SLFN14: variants seen among roughly 807,000 people sequenced by gnomAD.
SLFN14 encodes protein SLFN14.
A neutral mutation model predicts 58.6 loss-of-function variants in SLFN14; 47 were observed. That is an observed-to-expected ratio of 0.80 (90% confidence interval 0.64 to 1.02). The LOEUF (loss-of-function observed/expected upper bound fraction) is 1.02, where lower values mean the gene tolerates loss of function less well. Among genes scored for constraint, SLFN14 ranks in the 50% least tolerant of loss-of-function variants. SLFN14 has a pLI of 0.00. For missense variants in SLFN14, 967 were observed against 1,078.4 expected (o/e 0.90, Z 1.45); for synonymous variants, 390 against 387.3 (o/e 1.01, Z -0.08).
intron 4 of SLFN14, 132 bp from the exon 5 acceptor site, chr17:35,553,576 TAATC>T: frequency 1.4e-6 from 1 of 737,344 alleles, no homozygotes; most frequent in Non-Finnish European, 2.1e-6. Context: ...TTGTGATTCT[TAATC>T]AGGAGCAGTT....
chr17:35,554,668 A>G lies in SLFN14; in HGVS notation c.1097T>C (p.Leu366Pro). The G allele has an allele frequency of 6.7e-7, 1 of 1,493,102 alleles. No individual in the cohort carries two copies. The highest frequency in any genetic ancestry group is 9.0e-7 in the Non-Finnish European group (1 of 1,114,454). The allele number at this position is 1,493,102 out of a possible 1,614,324, so 92.5% of individuals were successfully genotyped here. ...TCGTGCAGATGAAGCTGATGAAATC[A>G]GGCAAGAGTTGTAGTCTGTGACCAA... is the stretch of plus-strand genomic sequence containing the variant. Reference protein sequence around the residue: ...PSLVTDYNSCLISSASSARKS... With the variant: ...PSLVTDYNSCPISSASSARKS... Residue 366 changes from leucine to proline, a missense_variant, in exon 4 of 6, where the codon CTG (leucine) becomes CCG (proline). By Grantham distance (98) the Leu-to-Pro change is moderately conservative. Coordinates refer to ENST00000674182, the MANE Select transcript of SLFN14 (RefSeq NM_001129820.2).
In SLFN14 at chr17:35,544,253, G is replaced by A. The variant is rs1004588622; in HGVS notation, c.*3986C>T. ...TAACATTCCAAGTCACATGACCAAG[G>A]CCACATTACAGGGGTGGAAAATATC... On this transcript the variant is annotated 3_prime_UTR_variant, in exon 6 of 6. Coordinates refer to ENST00000674182, the MANE Select transcript of SLFN14 (RefSeq NM_001129820.2). Among the ~76,000 whole-genome samples, 3 of 152,162 alleles carry A rather than the reference G, an allele frequency of 2.0e-5. No homozygotes were observed. The highest frequency in any genetic ancestry group is 4.4e-5 in the Non-Finnish European group (3 of 68,040).
chr17:35,560,619 C>T (rs1220326619), intron 1 of SLFN14, among the ~76,000 whole-genome samples, 148 bp downstream of exon 1: 3 of 152,316 alleles, frequency 2.0e-5, no homozygotes, highest in Non-Finnish European at 2.9e-5. Context: ...CGGGCCACCA[C>T]GCCAGGCCTT....
chr17:35,549,512 C>T (rs536559171), intron 5 of SLFN14, among the ~76,000 whole-genome samples: 4 of 152,264 alleles, frequency 2.6e-5, no homozygotes, highest in Admixed American at 1.3e-4. Flanking sequence ...AAAAAAAGCA[C>T]GGACTAGTTC....
Position 35,544,939 on chromosome 17 carries a change from G to C in SLFN14, c.*3300C>G, listed in dbSNP as rs573243921. On this transcript the variant is annotated 3_prime_UTR_variant, in exon 6 of 6. Transcript: ENST00000674182. ...TTAGAAGCTTCTCACAGTTTCTAAA[G>C]CTTCTCTTTTATCTTAGTTATTTCA... Among the ~76,000 whole-genome samples the C allele has an allele frequency of 6.6e-6, 1 of 152,254 alleles. No individual in the cohort carries two copies. The highest frequency in any genetic ancestry group is 6.5e-5 in the Admixed American group (1 of 15,302).
chr17:35,560,439 T>C (rs1427480062), intron 1 of SLFN14, among the ~76,000 whole-genome samples: 1 of 152,206 alleles, frequency 6.6e-6, no homozygotes, highest in Non-Finnish European at 1.5e-5. Context: ...GTGACTCTCC[T>C]GCCTCAGCCT....
At chr17:35,552,221 G>A (rs1034173013) in intron 5 of SLFN14, among the ~76,000 whole-genome samples, 10 of 152,046 alleles carry the variant, frequency 6.6e-5, no homozygotes, top group Non-Finnish European at 1.5e-4. Context: ...AGCGGTGGTC[G>A]GCCAACTTCC....
Position 35,548,879 on chromosome 17 carries a change from C to A in SLFN14, c.2099G>T (p.Trp700Leu), listed in dbSNP as rs1274121950. ...GATTTGAAAAGGGTCAAGAAAAAGC[C>A]AGAGAATCCCATGGTGAAGGTTTTC... ...GSENLHHGIL[W>L]LFLDPFQIHH... The change falls in exon 6 of 6, where the codon TGG (tryptophan) becomes TTG (leucine). Residue 700 changes from tryptophan to leucine, a missense_variant. Coordinates refer to ENST00000674182, the MANE Select transcript of SLFN14 (RefSeq NM_001129820.2). 15 of 1,551,570 alleles carry A rather than the reference C, an allele frequency of 9.7e-6. No homozygotes were observed. In the South Asian group the frequency reaches 1.5e-4, roughly 16 times the overall value.
chr17:35,553,329 A>G lies in SLFN14; in HGVS notation c.1305T>C (p.Ile435=). The G allele has an allele frequency of 6.4e-7, 1 of 1,551,582 alleles. No homozygotes were observed. Among genetic ancestry groups the G allele is most frequent in the Non-Finnish European group, 8.7e-7 (1 of 1,146,986 alleles). The change falls in exon 5 of 6, where the codon ATT becomes ATC. Residue 435 remains isoleucine (I), a synonymous_variant. Coordinates refer to ENST00000674182, the MANE Select transcript of SLFN14 (RefSeq NM_001129820.2). ...CAGCCCAGCTTCTAGAAAATATCAC[A>G]ATCCCCTGAGAACAAGGATGTATCA... ...KTLIHPCSQG[I]VIFSRSWAGD...
In SLFN14 at chr17:35,546,221, C is replaced by T. The variant is rs745507942; in HGVS notation, c.*2018G>A. Among the ~76,000 whole-genome samples, 1 of 152,194 alleles carries T rather than the reference C, an allele frequency of 6.6e-6. No homozygotes were observed. Among genetic ancestry groups the T allele is most frequent in the Non-Finnish European group, 1.5e-5 (1 of 68,036 alleles). ...CATACATCTCCCTACATCAGAATGT[C>T]AATGCACTGGCATCTTTTGCAAAAC... On this transcript the variant is annotated 3_prime_UTR_variant, in exon 6 of 6. Transcript: ENST00000674182.
chr17:35,554,619 T>G lies in SLFN14; in HGVS notation c.1146A>C (p.Lys382Asn). The G allele has an allele frequency of 6.5e-7, 1 of 1,536,474 alleles. No individual in the cohort carries two copies. Among genetic ancestry groups the G allele is most frequent in the East Asian group, 2.5e-5 (1 of 39,734 alleles). Residue 382 changes from lysine to asparagine, a missense_variant, in exon 4 of 6, where the codon AAA (lysine) becomes AAC (asparagine). Lys to Asn is a moderately conservative substitution (Grantham distance 94). Coordinates refer to ENST00000674182, the MANE Select transcript of SLFN14 (RefSeq NM_001129820.2). ...SARKSPGYPI[K>N]VHKFKEALQR... ...GCAGAGCCTCCTTAAATTTGTGGAC[T>G]TTTATGGGATATCCGGGACTTTTTC...
At chr17:35,555,930 T>C (rs1197091648) in intron 3 of SLFN14, among the ~76,000 whole-genome samples, 1 of 152,228 alleles carries the variant, frequency 6.6e-6, no homozygotes, top group Non-Finnish European at 1.5e-5. Flanking sequence ...CCCAGTGGCT[T>C]AAGGTTATTA....
Position 35,557,333 on chromosome 17 carries a change from G to C in SLFN14, c.730C>G (p.Leu244Val), listed in dbSNP as rs1376833074. Reference protein sequence around the residue: ...AFANTQGGYVLIGVDDKSKEV... With the variant: ...AFANTQGGYVVIGVDDKSKEV... ...TTGCTCTTATCATCCACCCCAATGA[G>C]GACATATCCCCCTTGAGTGTTGGCA... The change falls in exon 3 of 6, where the codon CTC (leucine) becomes GTC (valine). Residue 244 changes from leucine to valine, a missense_variant. By Grantham distance (32) the Leu-to-Val change is conservative. Transcript: ENST00000674182. 3 of 1,551,668 alleles carry C rather than the reference G, an allele frequency of 1.9e-6. No homozygotes were observed. The highest frequency in any genetic ancestry group is 2.6e-6 in the Non-Finnish European group (3 of 1,147,002).
intron 3 of SLFN14, among the ~76,000 whole-genome samples, chr17:35,555,599 G>A (rs1001841871): frequency 3.3e-5 from 5 of 151,792 alleles, no homozygotes; most frequent in African/African-American, 7.3e-5. Flanking sequence ...CCCATCTAAG[G>A]TTAGATGGAA....
In SLFN14 at chr17:35,553,167, A is replaced by G; in HGVS notation, c.1467T>C (p.Ala489=). 6.4e-7 allele frequency: 1 copy of G among 1,551,608 alleles called. No homozygotes were observed. Among genetic ancestry groups the G allele is most frequent in the South Asian group, 1.2e-5 (1 of 84,062 alleles). The change falls in exon 5 of 6, where the codon GCT becomes GCC. Residue 489 remains alanine (A), a synonymous_variant. Coordinates refer to ENST00000674182, the MANE Select transcript of SLFN14 (RefSeq NM_001129820.2). ...TTTGCAGTTTCTGCTTTAACTGATG[A>G]GCTGTGTTTCGGGCATATTCAAGTC... ...PGGLEYARNT[A]HQLKQKLQTV... is the part of the protein sequence containing the mutation.
At chr17:35,553,542 G>A (rs1032365413) in intron 4 of SLFN14, 98 bp from the exon 5 acceptor site, 12 of 921,116 alleles carry the variant, frequency 1.3e-5, no homozygotes, top group Admixed American at 5.9e-5. Flanking sequence ...GTGCATTTGG[G>A]AAAATAAGAG....
rs768087919 is a variant in SLFN14 at position 35,549,085 on chromosome 17, G to A, written c.1905-12C>T. On this transcript the variant is annotated splice_polypyrimidine_tract_variant and intron_variant, in intron 5 of 5. Transcript: ENST00000674182. The stretch of plus-strand genomic sequence containing the variant: ...AGGTGGTTTGTTGGCTGTAAGGACG[G>A]AAAAAACAGGGCTTGAGGCATATCA... The A allele has an allele frequency of 4.7e-5, 73 of 1,543,802 alleles. No individual in the cohort carries two copies. Among genetic ancestry groups the A allele is most frequent in the Non-Finnish European group, 6.4e-5 (73 of 1,142,522 alleles).
Position 35,556,747 on chromosome 17 carries a change from T to G in SLFN14, c.1060+256A>C, listed in dbSNP as rs557376288. ...TTGCAGTGAGCCGAGGTCACACCAC[T>G]GCACTCCAGCCTGGGTGACAGAGTC... On this transcript the variant is annotated intron_variant, in intron 3 of 5. Transcript: ENST00000674182. 1.4e-4 allele frequency among the ~76,000 whole-genome samples: 21 copies of G among 152,284 alleles called. No individual in the cohort carries two copies. The South Asian group carries it at 4.4e-3, about 32-fold the overall frequency.
rs1048416397 is a variant in SLFN14, at chr17:35,559,749, C to T, written c.-67G>A. Among the ~76,000 whole-genome samples, 1 of 152,138 alleles carries T rather than the reference C, an allele frequency of 6.6e-6. No homozygotes were observed. The highest frequency in any genetic ancestry group is 2.4e-5 in the African/African-American group (1 of 41,436). On this transcript the variant is annotated 5_prime_UTR_variant, in exon 2 of 6. Transcript: ENST00000674182. ...CACCAAGAGGAAGAAAGCAGGCATC[C>T]GGCAAGACATGTGCACTCCCCTGAT... is the stretch of plus-strand genomic sequence containing the variant.
Sources: gnomAD v4.1 joint callset for allele counts (sites outside exome capture counted in the v4.1 genomes callset) on GRCh38, gnomAD v4.1.1 for gene constraint, MANE v1.5 for transcripts, NCBI Gene and HGNC (gene_info 2026-07-23, HGNC 2026-07-21) for gene names.